Variants in CTNNBL1 observed in about 807,000 individuals in gnomAD.
CTNNBL1 encodes the protein beta-catenin-like protein 1.
In CTNNBL1, 31 loss-of-function variants were observed where a neutral mutation model predicts 72.7. The observed-to-expected ratio is 0.43, with a 90% CI of 0.32 to 0.58. The LOEUF (loss-of-function observed/expected upper bound fraction) is 0.58. Among genes scored for constraint, CTNNBL1 ranks in the 20% least tolerant of loss-of-function variants. The pLI, the probability that CTNNBL1 is intolerant of heterozygous loss-of-function variation, is 0.08. For synonymous variants in CTNNBL1, 240 were observed against 267.3 expected (o/e 0.90, Z 1.00); for missense variants, 534 against 725.1 (o/e 0.74, Z 3.03).
intron 7 of CTNNBL1, among the ~76,000 whole-genome samples, chr20:37,775,729 A>G (rs972550883): frequency 1.3e-5 from 2 of 152,190 alleles, no homozygotes; most frequent in Non-Finnish European, 2.9e-5. Flanking sequence ...CAGGTGCCTA[A>G]TAAGTATTTA....
intron 13 of CTNNBL1, among the ~76,000 whole-genome samples, chr20:37,850,489 A>G (rs1305521671): frequency 7.7e-6 from 1 of 129,614 alleles, no homozygotes; most frequent in Non-Finnish European, 1.7e-5. Context: ...GCTGAGACAG[A>G]ACTAACATGT....
chr20:37,790,955 C>T (rs1457312715), intron 10 of CTNNBL1, among the ~76,000 whole-genome samples: 2 of 152,190 alleles, frequency 1.3e-5, no homozygotes, highest in African/African-American at 4.8e-5. Context: ...GATTTGCCTT[C>T]TGTCCATTAT....
intron 13 of CTNNBL1, among the ~76,000 whole-genome samples, chr20:37,847,455 AG>A (rs1275091959): frequency 2.0e-5 from 3 of 152,100 alleles, no homozygotes; most frequent in Non-Finnish European, 4.4e-5. Flanking sequence ...AGACCCATCT[AG>A]TGAGCAGCAG....
intron 3 of CTNNBL1, among the ~76,000 whole-genome samples, chr20:37,740,012 T>A (rs2073201749): frequency 6.6e-6 from 1 of 152,150 alleles, no homozygotes; most frequent in African/African-American, 2.4e-5. Context: ...TGGAGCAGAG[T>A]TTCTGCAGGT....
chr20:37,704,582 G>A lies in CTNNBL1; in HGVS notation c.30+10430G>A, dbSNP rs372711097. On this transcript the variant is annotated intron_variant, in intron 1 of 15. Transcript: ENST00000361383. ...AAAAATTTGCTGGGTTTGGAGGTGC[G>A]CGCTTATAATCCCAGCTACTGGGGA... Among the ~76,000 whole-genome samples, 96 of 152,024 alleles carry A rather than the reference G, an allele frequency of 6.3e-4. 1 individual carries two copies. The highest frequency in any genetic ancestry group is 1.5e-3 in the African/African-American group (61 of 41,476).
intron 15 of CTNNBL1, 74 bp from the exon 16 acceptor site, chr20:37,871,851 A>C: frequency 7.7e-7 from 1 of 1,297,062 alleles, no homozygotes; most frequent in Non-Finnish European, 1.1e-6. Flanking sequence ...GGTTCTGGGA[A>C]AGGTATGAAG....
chr20:37,738,697 A>G (rs1178577320), intron 3 of CTNNBL1, among the ~76,000 whole-genome samples: 1 of 152,238 alleles, frequency 6.6e-6, no homozygotes, highest in Non-Finnish European at 1.5e-5. Flanking sequence ...GAGATATAAT[A>G]GGAGAAGAAA....
intron 11 of CTNNBL1, among the ~76,000 whole-genome samples, chr20:37,838,055 T>G (rs934233195): frequency 6.6e-5 from 10 of 152,180 alleles, no homozygotes; most frequent in Admixed American, 1.3e-4. Context: ...GCTGAGAGGA[T>G]GACAGTGGAG....
At chr20:37,710,579 A>G (rs2072928824) in intron 1 of CTNNBL1, among the ~76,000 whole-genome samples, 1 of 152,076 alleles carries the variant, frequency 6.6e-6, no homozygotes, top group East Asian at 1.9e-4. Flanking sequence ...CCCCACTGCC[A>G]TCCTGGGAAC....
chr20:37,694,372 C>T (rs938719529), intron 1 of CTNNBL1, among the ~76,000 whole-genome samples: 10 of 152,206 alleles, frequency 6.6e-5, no homozygotes, highest in Non-Finnish European at 1.3e-4. Flanking sequence ...ACCTCCTCTT[C>T]CTCACCCTGG....
chr20:37,743,787 A>G (rs1319309016), intron 3 of CTNNBL1, among the ~76,000 whole-genome samples: 6 of 152,168 alleles, frequency 3.9e-5, no homozygotes, highest in Non-Finnish European at 8.8e-5. Context: ...ATAAAGTTAG[A>G]TTTGTGCCCT....
At chr20:37,823,997 G>T (rs1249103790) in intron 11 of CTNNBL1, among the ~76,000 whole-genome samples, 1 of 152,016 alleles carries the variant, frequency 6.6e-6, no homozygotes, top group Non-Finnish European at 1.5e-5. Flanking sequence ...TAGTTGGGTG[G>T]GGGTAGGGAG....
At chr20:37,805,449 T>C (rs79142274) in intron 11 of CTNNBL1, among the ~76,000 whole-genome samples, 1,526 of 146,082 alleles carry the variant, frequency 0.01, 21 homozygotes, top group African/African-American at 0.037. Context: ...CAGGCTAGAG[T>C]GCAGTGATGC....
At chr20:37,852,239 G>C (rs897191923) in intron 13 of CTNNBL1, among the ~76,000 whole-genome samples, 1 of 152,224 alleles carries the variant, frequency 6.6e-6, no homozygotes, top group Non-Finnish European at 1.5e-5. Context: ...GTTTTGTAAA[G>C]TGAGAAATAT....
chr20:37,758,859 C>G (rs1183140328), intron 5 of CTNNBL1, among the ~76,000 whole-genome samples: 1 of 152,232 alleles, frequency 6.6e-6, no homozygotes, highest in African/African-American at 2.4e-5. Context: ...CCAAGACCCA[C>G]TGAATCAGAA....
At chr20:37,711,099 C>G (rs533399718) in intron 1 of CTNNBL1, among the ~76,000 whole-genome samples, 142 of 152,300 alleles carry the variant, frequency 9.3e-4, no homozygotes, top group African/African-American at 3.0e-3. Context: ...TAAGACCCAA[C>G]CTTTGGCCCT....
chr20:37,826,921 G>A (rs1469152138), intron 11 of CTNNBL1, among the ~76,000 whole-genome samples: 2 of 152,208 alleles, frequency 1.3e-5, no homozygotes, highest in African/African-American at 2.4e-5. Context: ...CCATTTGAGT[G>A]ATGATAAATA....
chr20:37,848,898 C>T (rs942442018), intron 13 of CTNNBL1, among the ~76,000 whole-genome samples: 6 of 152,182 alleles, frequency 3.9e-5, no homozygotes, highest in South Asian at 4.1e-4. Context: ...AGCTGCCACC[C>T]GGACATCACC....
At chr20:37,762,943 A>G (rs991861298) in intron 5 of CTNNBL1, among the ~76,000 whole-genome samples, 1 of 152,228 alleles carries the variant, frequency 6.6e-6, no homozygotes, top group African/African-American at 2.4e-5. Context: ...ATTCAGCTCT[A>G]GGACTTAAAT....
Sources: gnomAD v4.1 joint callset for allele counts (sites outside exome capture counted in the v4.1 genomes callset) on GRCh38, gnomAD v4.1.1 for gene constraint, MANE v1.5 for transcripts, NCBI Gene and HGNC (gene_info 2026-07-23, HGNC 2026-07-21) for gene names.